Variants in HDAC9 observed in about 807,000 individuals in gnomAD.
HDAC9 encodes the protein histone deacetylase 9.
In HDAC9, 41 loss-of-function variants were observed where a neutral mutation model predicts 139.4. The ratio of observed to expected loss-of-function variants is 0.29; its 90% CI spans 0.23 to 0.38. The LOEUF is 0.38. Ranked by LOEUF, HDAC9 falls within the 10% of genes least tolerant of loss-of-function variation. The pLI, the probability that HDAC9 is intolerant of heterozygous loss-of-function variation, is 1.00. For missense variants in HDAC9, 1,147 were observed against 1,297.0 expected (o/e 0.88, Z 1.78); for synonymous variants, 517 against 476.2 (o/e 1.09, Z -1.12).
At chr7:18,237,465 C>T (rs1404217592) in intron 2 of HDAC9, among the ~76,000 whole-genome samples, 1 of 151,658 alleles carries the variant, frequency 6.6e-6, no homozygotes, top group Non-Finnish European at 1.5e-5. Flanking sequence ...ATGGGTGATA[C>T]CTGAAGGTGG....
intron 1 of HDAC9, among the ~76,000 whole-genome samples, chr7:18,295,550 A>T (rs1438087433): frequency 6.6e-6 from 1 of 152,212 alleles, no homozygotes; most frequent in Non-Finnish European, 1.5e-5. Flanking sequence ...TTTAGAAATT[A>T]TCTTACTTCT....
chr7:18,351,250 T>G (rs1782825165), intron 1 of HDAC9, among the ~76,000 whole-genome samples: 1 of 152,176 alleles, frequency 6.6e-6, no homozygotes, highest in African/African-American at 2.4e-5. Flanking sequence ...TAATTTTTAT[T>G]TATCGTTGTA....
intron 22 of HDAC9, among the ~76,000 whole-genome samples, chr7:18,933,686 G>C (rs1781421458): frequency 6.6e-6 from 1 of 152,030 alleles, no homozygotes; most frequent in Non-Finnish European, 1.5e-5. Flanking sequence ...ACATGAATCA[G>C]CAGAAACAAC....
chr7:18,110,162 C>T (rs1783512316), intron 1 of HDAC9, among the ~76,000 whole-genome samples: 1 of 152,198 alleles, frequency 6.6e-6, no homozygotes, highest in Admixed American at 6.5e-5. Context: ...CTTGGACGTG[C>T]ACTTTCTCTG....
intron 12 of HDAC9, among the ~76,000 whole-genome samples, chr7:18,700,361 G>A (rs546474326): frequency 6.6e-6 from 1 of 152,148 alleles, no homozygotes; most frequent in African/African-American, 2.4e-5. Flanking sequence ...TGCCCCCTGT[G>A]GCCTTTTGCG....
intron 1 of HDAC9, among the ~76,000 whole-genome samples, chr7:18,109,257 C>G (rs1257798055): frequency 6.6e-6 from 1 of 152,170 alleles, no homozygotes. Flanking sequence ...TTTTTTCCCC[C>G]TTAACTACAA....
chr7:18,626,349 A>G (rs765812054), intron 6 of HDAC9, among the ~76,000 whole-genome samples: 3 of 152,188 alleles, frequency 2.0e-5, no homozygotes, highest in Non-Finnish European at 4.4e-5. Context: ...GATTAAGCCC[A>G]AGTGAAATCC....
chr7:18,233,843 A>C (rs1418690142), intron 2 of HDAC9, among the ~76,000 whole-genome samples: 1 of 152,158 alleles, frequency 6.6e-6, no homozygotes, highest in Non-Finnish European at 1.5e-5. Context: ...AATTTGTTTT[A>C]TCTTGTCAAC....
chr7:18,352,603 T>A (rs1782933440), intron 1 of HDAC9, among the ~76,000 whole-genome samples: 1 of 152,042 alleles, frequency 6.6e-6, no homozygotes, highest in South Asian at 2.1e-4. Flanking sequence ...GAGATGTGAG[T>A]CATTCCCCGT....
At chr7:18,878,840 G>C (rs868775514) in intron 22 of HDAC9, among the ~76,000 whole-genome samples, 4 of 151,496 alleles carry the variant, frequency 2.6e-5, no homozygotes, top group Non-Finnish European at 5.9e-5. Context: ...GAAATAAAGG[G>C]CATCCAAATA....
At chr7:18,453,225 ACTT>A (rs1284161010) in intron 1 of HDAC9, among the ~76,000 whole-genome samples, 4 of 152,120 alleles carry the variant, frequency 2.6e-5, no homozygotes, top group Admixed American at 6.6e-5. Flanking sequence ...GTTTTCACTT[ACTT>A]CTTATGTATT....
intron 1 of HDAC9, among the ~76,000 whole-genome samples, chr7:18,131,522 G>A (rs1785008269): frequency 6.6e-6 from 1 of 152,164 alleles, no homozygotes; most frequent in East Asian, 1.9e-4. Context: ...TTTTTGGCTA[G>A]ACAACTTGTG....
At chr7:18,239,058 TTA>T (rs1794014580) in intron 2 of HDAC9, among the ~76,000 whole-genome samples, 1 of 152,174 alleles carries the variant, frequency 6.6e-6, no homozygotes, top group African/African-American at 2.4e-5. Context: ...TTCACCGGCT[TTA>T]CACTTACGAT....
intron 6 of HDAC9, among the ~76,000 whole-genome samples, chr7:18,617,915 G>C (rs758080374): frequency 3.9e-5 from 6 of 152,154 alleles, no homozygotes; most frequent in Non-Finnish European, 5.9e-5. Context: ...GGAGGTAGGA[G>C]ACTAACTGCT....
intron 21 of HDAC9, 130 bp downstream of exon 21, chr7:18,836,127 G>A (rs572240855): frequency 6.0e-5 from 33 of 552,436 alleles, no homozygotes; most frequent in African/African-American, 5.9e-4. Context: ...ATAAGAATAT[G>A]TATAAGAAGA....
chr7:18,356,392 A>G (rs146009150), intron 1 of HDAC9, among the ~76,000 whole-genome samples: 1,261 of 113,090 alleles, frequency 0.011, 27 homozygotes, highest in African/African-American at 0.039. Context: ...TTTTAAAGAC[A>G]ACAAACTTGT....
At chr7:18,925,949 A>G (rs997800385) in intron 22 of HDAC9, among the ~76,000 whole-genome samples, 2 of 152,004 alleles carry the variant, frequency 1.3e-5, no homozygotes, top group Non-Finnish European at 2.9e-5. Context: ...TGGTATCACT[A>G]TGGGCCTTAG....
chr7:18,689,948 G>T (rs778439982), intron 12 of HDAC9, among the ~76,000 whole-genome samples: 25 of 151,966 alleles, frequency 1.6e-4, no homozygotes, highest in Non-Finnish European at 3.5e-4. Flanking sequence ...TGTGTAGAAG[G>T]TATTCTTCCA....
intron 21 of HDAC9, among the ~76,000 whole-genome samples, chr7:18,842,062 A>G (rs117017438): frequency 0.01 from 1,562 of 152,250 alleles, 15 homozygotes; most frequent in Non-Finnish European, 0.016. Flanking sequence ...GAAATAAAGC[A>G]TGATTTCGTT....
Sources: gnomAD v4.1 joint callset for allele counts (sites outside exome capture counted in the v4.1 genomes callset) on GRCh38, gnomAD v4.1.1 for gene constraint, MANE v1.5 for transcripts, NCBI Gene and HGNC (gene_info 2026-07-23, HGNC 2026-07-21) for gene names.